GALNT13: variants seen among roughly 807,000 people sequenced by gnomAD.
GALNT13 encodes the protein polypeptide N-acetylgalactosaminyltransferase 13.
GALNT13 carries 28 observed loss-of-function variants against 64.2 expected under a neutral mutation model. That is an observed-to-expected ratio of 0.44 (90% CI 0.32 to 0.60). The LOEUF is 0.60. Ranked by LOEUF, GALNT13 falls within the 20% of genes least tolerant of loss-of-function variation. GALNT13 has a pLI of 0.05. For synonymous variants in GALNT13, 214 were observed against 224.6 expected (o/e 0.95, Z 0.42); for missense variants, 577 against 669.8 (o/e 0.86, Z 1.53).
chr2:154,114,670 C>G (rs1350063071), intron 3 of GALNT13, among the ~76,000 whole-genome samples: 1 of 152,080 alleles, frequency 6.6e-6, no homozygotes, highest in Non-Finnish European at 1.5e-5. Context: ...GATTGAGGGG[C>G]CATGTTTCTC....
chr2:154,245,924 T>C lies in GALNT13; in HGVS notation c.799T>C (p.Tyr267His). 1 of 1,613,382 alleles carries C rather than the reference T, an allele frequency of 6.2e-7. No individual in the cohort carries two copies. The highest frequency in any genetic ancestry group is 1.1e-5 in the South Asian group (1 of 91,048). Residue 267 changes from tyrosine (Y) to histidine (H), a missense_variant, in exon 7 of 13, where the codon TAT (tyrosine) becomes CAT (histidine). By Grantham distance (83) the Tyr-to-His change is moderately conservative (BLOSUM62 2). Around this residue, in one of 3 missense-constraint regions of GALNT13, gnomAD observed 341 missense variants for 379.3 expected, o/e 0.90. Transcript: ENST00000392825. The stretch of plus-strand genomic sequence containing the variant: ...TAACTGGAAACTGAATTTCCGCTGG[T>C]ATCCTGTTCCCCAAAGAGAAATGGA... The part of the protein sequence containing the change: ...GFNWKLNFRW[Y>H]PVPQREMDRR...
At chr2:154,325,629 T>C (rs1008887985) in intron 9 of GALNT13, among the ~76,000 whole-genome samples, 2 of 152,112 alleles carry the variant, frequency 1.3e-5, no homozygotes, top group Non-Finnish European at 2.9e-5. Flanking sequence ...TGTGGATACA[T>C]AATAATTGTA....
At chr2:153,610,237 C>T in the GALNT13 span, among the ~76,000 whole-genome samples, 6 of 151,948 alleles carry the variant, frequency 3.9e-5, no homozygotes, top group African/African-American at 1.5e-4. Context: ...TCATATTGCA[C>T]ATATACGTAC....
At chr2:153,221,125 C>T in the GALNT13 span, among the ~76,000 whole-genome samples, 54 of 152,266 alleles carry the variant, frequency 3.5e-4, no homozygotes, top group Middle Eastern at 3.4e-3. Context: ...ACATCCTGCA[C>T]ACGTACCCCT....
chr2:153,234,265 T>C, the GALNT13 span, among the ~76,000 whole-genome samples: 426 of 152,250 alleles, frequency 2.8e-3, 3 homozygotes, highest in African/African-American at 9.7e-3. Context: ...AGGCCTGAGT[T>C]AACAAAGACA....
At chr2:154,172,004 AC>A (rs1337088259) in intron 4 of GALNT13, among the ~76,000 whole-genome samples, 10 of 146,942 alleles carry the variant, frequency 6.8e-5, no homozygotes, top group South Asian at 4.3e-4. Context: ...ACACACACAC[AC>A]AATGCTAAGC....
At chr2:153,778,286 C>A in the GALNT13 span, among the ~76,000 whole-genome samples, 3 of 152,174 alleles carry the variant, frequency 2.0e-5, no homozygotes. Flanking sequence ...AGGATGGGGG[C>A]ATGGCAGGCC....
the GALNT13 span, among the ~76,000 whole-genome samples, chr2:153,526,333 C>T: frequency 1.3e-5 from 2 of 152,226 alleles, no homozygotes; most frequent in Admixed American, 1.3e-4. Flanking sequence ...CCACACCCAG[C>T]TTCAGGTGGC....
chr2:153,095,897 G>T, the GALNT13 span, among the ~76,000 whole-genome samples: 3 of 151,958 alleles, frequency 2.0e-5, no homozygotes, highest in African/African-American at 4.8e-5. Flanking sequence ...GGGGTGGGGG[G>T]AGCGGGGAGG....
At chr2:153,352,368 G>C in the GALNT13 span, among the ~76,000 whole-genome samples, 1 of 152,046 alleles carries the variant, frequency 6.6e-6, no homozygotes, top group South Asian at 2.1e-4. Context: ...TTCTTTATCA[G>C]TTATGTCTTT....
chr2:153,543,443 G>C, the GALNT13 span, among the ~76,000 whole-genome samples: 1 of 152,094 alleles, frequency 6.6e-6, no homozygotes, highest in Admixed American at 6.5e-5. Context: ...ATATTACAAG[G>C]TCATAAACCT....
chr2:153,777,416 C>T, the GALNT13 span, among the ~76,000 whole-genome samples: 1 of 152,090 alleles, frequency 6.6e-6, no homozygotes, highest in Non-Finnish European at 1.5e-5. Context: ...CTCAAAAAGT[C>T]ATATGTTGAA....
At chr2:154,344,109 A>G (rs541456632) in intron 9 of GALNT13, among the ~76,000 whole-genome samples, 4 of 152,130 alleles carry the variant, frequency 2.6e-5, no homozygotes, top group East Asian at 3.9e-4. Flanking sequence ...TGTCTCTATG[A>G]TCTTTACAGA....
chr2:154,038,781 A>G (rs567805187), intron 3 of GALNT13, among the ~76,000 whole-genome samples: 7 of 152,078 alleles, frequency 4.6e-5, no homozygotes, highest in Non-Finnish European at 1.0e-4. Context: ...TAAGCTAAAA[A>G]CCTTCTGTAC....
chr2:153,940,734 A>C (rs1691285145), intron 2 of GALNT13, among the ~76,000 whole-genome samples: 1 of 152,190 alleles, frequency 6.6e-6, no homozygotes, highest in South Asian at 2.1e-4. Flanking sequence ...CATTTAAAGT[A>C]TGCTGAGTGC....
intron 3 of GALNT13, among the ~76,000 whole-genome samples, chr2:154,105,942 A>G (rs1367699641): frequency 6.6e-5 from 10 of 152,208 alleles, no homozygotes; most frequent in Admixed American, 5.9e-4. Context: ...TGTGGCACTC[A>G]TATAATCAGT....
chr2:154,267,589 G>T (rs1361963964), intron 8 of GALNT13, among the ~76,000 whole-genome samples: 3 of 152,106 alleles, frequency 2.0e-5, no homozygotes, highest in Non-Finnish European at 2.9e-5. Flanking sequence ...GCAGTGAGCC[G>T]AGATAGTGCC....
At chr2:153,924,761 T>C (rs1417758476) in intron 2 of GALNT13, among the ~76,000 whole-genome samples, 1 of 152,196 alleles carries the variant, frequency 6.6e-6, no homozygotes, top group East Asian at 1.9e-4. Context: ...TTCTTATTGG[T>C]GTGAGATGAT....
the GALNT13 span, among the ~76,000 whole-genome samples, chr2:153,544,045 G>C: frequency 2.0e-5 from 3 of 152,108 alleles, no homozygotes; most frequent in Non-Finnish European, 2.9e-5. Flanking sequence ...TCACAGCAGG[G>C]ACCTTTCCTG....
Sources: gnomAD v4.1 joint callset for allele counts (sites outside exome capture counted in the v4.1 genomes callset) on GRCh38, gnomAD v4.1.1 for gene constraint, gnomAD v4.1.1 regional missense constraint, MANE v1.5 for transcripts, NCBI Gene and HGNC (gene_info 2026-07-23, HGNC 2026-07-21) for gene names.